GRIK1: variants seen among roughly 807,000 people sequenced by gnomAD.
GRIK1 encodes the protein glutamate receptor ionotropic, kainate 1.
In GRIK1, 69 loss-of-function variants were observed where a neutral mutation model predicts 105.7. That is an observed-to-expected ratio of 0.65 (90% CI 0.54 to 0.80). The LOEUF is 0.80. GRIK1 is among the 30% of genes least tolerant of loss of function. The probability of loss-of-function intolerance (pLI) is 0.00; values close to 1 mark genes in which losing one functional copy is unlikely to be tolerated. For missense variants in GRIK1, 1,109 were observed against 1,167.3 expected, an observed-to-expected ratio of 0.95 and a Z score of 0.73; for synonymous variants, 438 against 431.3, an observed-to-expected ratio of 1.02 and a Z score of -0.19.
At chr21:29,661,822 CT>C (rs1225459006) in intron 4 of GRIK1, among the ~76,000 whole-genome samples, 2 of 152,124 alleles carry the variant, frequency 1.3e-5, no homozygotes, top group African/African-American at 4.8e-5. Context: ...GAAAAATTGA[CT>C]TTTTTCATTT....
intron 16 of GRIK1, among the ~76,000 whole-genome samples, chr21:29,546,294 G>T (rs768208024): frequency 2.6e-5 from 4 of 152,180 alleles, no homozygotes; most frequent in Non-Finnish European, 4.4e-5. Context: ...CTCTGAGATT[G>T]AGGAAGACAC....
chr21:29,765,327 A>G (rs548489134), intron 1 of GRIK1, among the ~76,000 whole-genome samples: 1 of 152,158 alleles, frequency 6.6e-6, no homozygotes, highest in East Asian at 1.9e-4. Flanking sequence ...AGTAGAGATT[A>G]TGCTTTCAAG....
rs76503712 is a variant in GRIK1 at position 29,826,976 on chromosome 21, T to C, written c.118+112407A>G. On this transcript the variant is annotated intron_variant, in intron 1 of 17. Coordinates refer to ENST00000327783, the MANE Select transcript of GRIK1 (RefSeq NM_001330994.2). ...GATACTCTCATGGGACCACATGCGT[T>C]TATTTCAAAAACACATTAAGTAGTC... Among the ~76,000 whole-genome samples, 622 of 152,198 alleles carry C rather than the reference T, an allele frequency of 4.1e-3. 2 individuals carry two copies. The highest frequency in any genetic ancestry group is 6.5e-3 in the Non-Finnish European group (441 of 67,990).
At chr21:29,889,651 A>G (rs117879230) in intron 1 of GRIK1, among the ~76,000 whole-genome samples, 44 of 152,214 alleles carry the variant, frequency 2.9e-4, no homozygotes, top group Non-Finnish European at 5.4e-4. Flanking sequence ...CAGGATCTAA[A>G]TTACTGCCCA....
chr21:29,639,129 AT>A (rs1419608816), intron 7 of GRIK1, among the ~76,000 whole-genome samples: 13 of 152,170 alleles, frequency 8.5e-5, no homozygotes, highest in African/African-American at 3.1e-4. Flanking sequence ...GTCTTATTGA[AT>A]TGTTTCTGGA....
intron 1 of GRIK1, among the ~76,000 whole-genome samples, chr21:29,731,678 G>A (rs79365823): frequency 0.059 from 8,987 of 152,192 alleles, 303 homozygotes; most frequent in African/African-American, 0.067. Context: ...GCTGTTAATT[G>A]TTGATCACCA....
At chr21:29,899,227 C>T (rs2070296342) in intron 1 of GRIK1, among the ~76,000 whole-genome samples, 2 of 152,170 alleles carry the variant, frequency 1.3e-5, no homozygotes, top group Admixed American at 6.5e-5. Flanking sequence ...GGTCTGAGGT[C>T]ATTCAGGGCT....
chr21:29,588,983 A>G lies in GRIK1; in HGVS notation c.1425T>C (p.Phe475=). 6.2e-7 allele frequency: 1 copy of G among 1,605,798 alleles called. No individual in the cohort carries two copies. The highest frequency in any genetic ancestry group is 1.1e-5 in the South Asian group (1 of 90,914). ...SDKPLYGNDR[F]EGYCLDLLKE... is the part of the protein sequence containing the mutation. ...TCAACAGGTCTAGGCAATATCCTTC[A>G]AATCTGTCATTTCCATATAGAGGCT... Residue 475 remains phenylalanine (F), a synonymous_variant, in exon 11 of 18, where the codon TTT becomes TTC. Coordinates refer to ENST00000327783, the MANE Select transcript of GRIK1 (RefSeq NM_001330994.2).
At chr21:29,686,846 G>A (rs1296076605) in intron 3 of GRIK1, among the ~76,000 whole-genome samples, 1 of 152,210 alleles carries the variant, frequency 6.6e-6, no homozygotes, top group Non-Finnish European at 1.5e-5. Context: ...TTGAGGCTCA[G>A]CTTCTCAGCT....
chr21:29,772,314 GA>G (rs1009410588), intron 1 of GRIK1, among the ~76,000 whole-genome samples: 5 of 152,070 alleles, frequency 3.3e-5, no homozygotes, highest in African/African-American at 1.2e-4. Context: ...GTTATACTAT[GA>G]AAAAATGACT....
intron 16 of GRIK1, among the ~76,000 whole-genome samples, chr21:29,542,189 A>G (rs935929243): frequency 2.6e-5 from 4 of 152,118 alleles, no homozygotes; most frequent in African/African-American, 7.2e-5. Flanking sequence ...GCAGAAAGTT[A>G]TTTCTCTACT....
intron 1 of GRIK1, among the ~76,000 whole-genome samples, chr21:29,770,769 GT>G (rs1446427971): frequency 6.6e-6 from 1 of 152,128 alleles, no homozygotes; most frequent in African/African-American, 2.4e-5. Flanking sequence ...TGAAATAATA[GT>G]CTTTAAAACG....
intron 1 of GRIK1, among the ~76,000 whole-genome samples, chr21:29,720,250 C>A (rs1239922896): frequency 6.6e-6 from 1 of 152,200 alleles, no homozygotes; most frequent in Non-Finnish European, 1.5e-5. Context: ...TATTGTTCCA[C>A]TGTCTTTATA....
chr21:29,792,859 A>ATTT (rs2066460258), intron 1 of GRIK1, among the ~76,000 whole-genome samples: 1 of 152,216 alleles, frequency 6.6e-6, no homozygotes, highest in African/African-American at 2.4e-5. Context: ...TAGCACGAAG[A>ATTT]GTAATTGTTT....
At chr21:29,828,019 G>T (rs1021709259) in intron 1 of GRIK1, among the ~76,000 whole-genome samples, 10 of 150,152 alleles carry the variant, frequency 6.7e-5, no homozygotes, top group Non-Finnish European at 1.2e-4. Flanking sequence ...CTCTGTGTGT[G>T]TGTGTGTGTG....
intron 1 of GRIK1, among the ~76,000 whole-genome samples, chr21:29,695,470 A>C (rs1326552210): frequency 6.8e-6 from 1 of 146,162 alleles, no homozygotes; most frequent in Non-Finnish European, 1.5e-5. Flanking sequence ...CTATCTATCT[A>C]TCTATCTATA....
chr21:29,571,451 C>T lies in GRIK1; in HGVS notation c.2130+5513G>A, dbSNP rs573765260. Among the ~76,000 whole-genome samples the T allele has an allele frequency of 3.3e-5, 5 of 152,100 alleles. No individual in the cohort carries two copies. In the East Asian group the frequency reaches 7.7e-4, roughly 23 times the overall value. ...ATCTCACCTGAGCTATTTTAAAAAA[C>T]TAAATTTTGGTTTTCTTCTTGTTGA... is the stretch of plus-strand genomic sequence containing the variant. On this transcript the variant is annotated intron_variant, in intron 14 of 17. Transcript: ENST00000327783.
At chr21:29,928,492 T>C (rs1416358699) in intron 1 of GRIK1, among the ~76,000 whole-genome samples, 1 of 152,076 alleles carries the variant, frequency 6.6e-6, no homozygotes, top group Non-Finnish European at 1.5e-5. Context: ...AGGACCATAG[T>C]GTACAATTGG....
At chr21:29,781,664 T>C (rs1204658833) in intron 1 of GRIK1, among the ~76,000 whole-genome samples, 4 of 119,216 alleles carry the variant, frequency 3.4e-5, no homozygotes, top group Non-Finnish European at 5.6e-5. Context: ...TTTCTTTTTT[T>C]TTTTTTTTTT....
Sources: allele counts gnomAD v4.1 joint callset (sites outside exome capture counted in the v4.1 genomes callset), GRCh38; gene constraint gnomAD v4.1.1; transcripts MANE v1.5; gene names NCBI Gene and HGNC (gene_info 2026-07-23, HGNC 2026-07-21).